SLMAP: variants seen among roughly 807,000 people sequenced by gnomAD.
SLMAP encodes sarcolemma associated protein.
SLMAP carries 44 observed loss-of-function variants against 128.8 expected under a neutral mutation model. The observed-to-expected ratio is 0.34, with a 90% CI of 0.27 to 0.44. SLMAP has a LOEUF of 0.44. Ranked by LOEUF, SLMAP falls within the 20% of genes least tolerant of loss-of-function variation. The pLI is 1.00. For synonymous variants in SLMAP, 327 were observed against 348.8 expected (o/e 0.94, Z 0.70); for missense variants, 787 against 985.3 (o/e 0.80, Z 2.69).
In SLMAP at chr3:57,756,972, C is replaced by T. The variant is rs947683320; in HGVS notation, c.-680C>T. On this transcript the variant is annotated 5_prime_UTR_variant, in exon 2 of 25. Transcript: ENST00000671191. ...CGGCCTCCACGCCTCGCGCGGAGAA[C>T]CTCAGCCACCGCCGTCTCGGATCGT... is the stretch of plus-strand genomic sequence containing the variant. 2.6e-5 allele frequency: 4 copies of T among 152,680 alleles called. No individual in the cohort carries two copies. Among genetic ancestry groups the T allele is most frequent in the Admixed American group, 1.3e-4 (2 of 15,304 alleles). 9.5% of individuals were successfully genotyped at this position (152,680 alleles called of 1,614,324 possible).
intron 2 of SLMAP, among the ~76,000 whole-genome samples, chr3:57,828,150 G>A (rs867669482): frequency 1.3e-5 from 2 of 152,074 alleles, no homozygotes; most frequent in South Asian, 4.1e-4. Flanking sequence ...GTAGAGATGG[G>A]GTTTCACCAT....
intron 2 of SLMAP, among the ~76,000 whole-genome samples, chr3:57,767,706 A>C (rs1035539166): frequency 6.6e-6 from 1 of 152,202 alleles, no homozygotes; most frequent in Non-Finnish European, 1.5e-5. Context: ...TTGTCCAAAA[A>C]GAGTTTGATG....
At chr3:57,855,094 A>G (rs954278711) in intron 6 of SLMAP, among the ~76,000 whole-genome samples, 2 of 152,156 alleles carry the variant, frequency 1.3e-5, no homozygotes, top group African/African-American at 4.8e-5. Context: ...TAACAGTATA[A>G]AAGATAGAAA....
At chr3:57,819,253 C>T (rs566115005) in intron 2 of SLMAP, among the ~76,000 whole-genome samples, 292 of 152,098 alleles carry the variant, frequency 1.9e-3, no homozygotes, top group African/African-American at 6.7e-3. Context: ...TGACTAAAAA[C>T]GAAGAAATAT....
At position 57,867,655 on chromosome 3, in the gene SLMAP, A is replaced by G. The variant is rs908471210; in HGVS notation, c.1237+2363A>G. Among the ~76,000 whole-genome samples the G allele has an allele frequency of 6.3e-4, 96 of 152,200 alleles. 2 individuals carry two copies. Among genetic ancestry groups the G allele is most frequent in the Admixed American group, 6.3e-3 (96 of 15,288 alleles). ...GGAATAAGATGCGTCACTTAATTCC[A>G]TTCCAAATCACTTATAATAATGAAC... On this transcript the variant is annotated intron_variant, in intron 13 of 24. Coordinates refer to ENST00000671191, the MANE Select transcript of SLMAP (RefSeq NM_001377540.1).
At chr3:57,818,479 G>T (rs921442517) in intron 2 of SLMAP, among the ~76,000 whole-genome samples, 1 of 152,198 alleles carries the variant, frequency 6.6e-6, no homozygotes, top group Admixed American at 6.5e-5. Context: ...TTTATCTGAA[G>T]TATGGGGATA....
intron 2 of SLMAP, among the ~76,000 whole-genome samples, chr3:57,790,632 G>A (rs1464020670): frequency 6.6e-6 from 1 of 152,080 alleles, no homozygotes; most frequent in Non-Finnish European, 1.5e-5. Context: ...CTAAATATGT[G>A]AGTTTGTTAA....
chr3:57,910,417 C>T (rs2096665688), intron 19 of SLMAP, among the ~76,000 whole-genome samples: 3 of 151,670 alleles, frequency 2.0e-5, no homozygotes, highest in Admixed American at 6.6e-5. Flanking sequence ...CTCCTGACCT[C>T]GTGATCCACC....
rs538716382 is a variant in SLMAP, at chr3:57,907,262, C to T, written c.1502-622C>T. Reference sequence around the variant, plus strand: ...CAGGATGGTCTCGATCTCCTGACCTCGTGATCCGCCTGCCTCAGCCTCCCA... The same window carrying T: ...CAGGATGGTCTCGATCTCCTGACCTTGTGATCCGCCTGCCTCAGCCTCCCA... On this transcript the variant is annotated intron_variant, in intron 17 of 24. Coordinates refer to ENST00000671191, the MANE Select transcript of SLMAP (RefSeq NM_001377540.1). Among the ~76,000 whole-genome samples the T allele has an allele frequency of 4.6e-5, 7 of 151,846 alleles. No homozygotes were observed. In the East Asian group the frequency reaches 1.4e-3, roughly 29 times the overall value.
At chr3:57,832,049 A>C (rs570008727) in intron 3 of SLMAP, among the ~76,000 whole-genome samples, 80 of 152,360 alleles carry the variant, frequency 5.3e-4, no homozygotes, top group African/African-American at 1.8e-3. Context: ...GGCGGGGATA[A>C]AATGCCTTCT....
rs112200309 is a variant in SLMAP, at chr3:57,870,879, A to G, written c.1238-757A>G. On this transcript the variant is annotated intron_variant, in intron 13 of 24. Coordinates refer to ENST00000671191, the MANE Select transcript of SLMAP (RefSeq NM_001377540.1). ...AAATACACGTTAAAGGACATTATCC[A>G]GATTCAGAAGTAACTCTTTAAATCA... Among the ~76,000 whole-genome samples, 489 of 152,374 alleles carry G rather than the reference A, an allele frequency of 3.2e-3. 3 individuals carry two copies. Among genetic ancestry groups the G allele is most frequent in the African/African-American group, 0.011 (467 of 41,590 alleles).
At chr3:57,760,156 T>C (rs958307498) in intron 2 of SLMAP, among the ~76,000 whole-genome samples, 4 of 152,300 alleles carry the variant, frequency 2.6e-5, no homozygotes, top group African/African-American at 9.6e-5. Flanking sequence ...GCCAGGGTGG[T>C]CTTGAACGCC....
chr3:57,856,438 TTTAC>T (rs1349730158), intron 6 of SLMAP, among the ~76,000 whole-genome samples: 1 of 152,134 alleles, frequency 6.6e-6, no homozygotes, highest in Non-Finnish European at 1.5e-5. Flanking sequence ...TAAACTTGCT[TTTAC>T]TTTTTAAACT....
At chr3:57,885,071 A>ATTT (rs543338432) in intron 14 of SLMAP, among the ~76,000 whole-genome samples, 1 of 142,082 alleles carries the variant, frequency 7.0e-6, no homozygotes, top group African/African-American at 2.6e-5. Context: ...AGAAGCAGAA[A>ATTT]TTTTTTTTTT....
At chr3:57,888,396 G>A (rs1268200042) in intron 14 of SLMAP, among the ~76,000 whole-genome samples, 1 of 151,978 alleles carries the variant, frequency 6.6e-6, no homozygotes, top group Non-Finnish European at 1.5e-5. Context: ...AGGCTGAGGC[G>A]GGTGGAGGTC....
At chr3:57,817,016 T>C (rs746409580) in intron 2 of SLMAP, among the ~76,000 whole-genome samples, 4 of 152,158 alleles carry the variant, frequency 2.6e-5, no homozygotes, top group Non-Finnish European at 5.9e-5. Context: ...GTGATTAGGG[T>C]CATTTTGAAA....
intron 2 of SLMAP, among the ~76,000 whole-genome samples, chr3:57,781,337 G>T (rs1426246570): frequency 1.3e-5 from 2 of 152,170 alleles, no homozygotes; most frequent in Middle Eastern, 3.2e-3. Context: ...GTTATAAAAT[G>T]ATTGGCTGGC....
At chr3:57,919,561 G>A (rs891468173) in intron 22 of SLMAP, among the ~76,000 whole-genome samples, 10 of 152,044 alleles carry the variant, frequency 6.6e-5, no homozygotes, top group South Asian at 2.1e-4. Flanking sequence ...TTGGGAGGCC[G>A]AGGTGAGCAG....
chr3:57,919,339 C>A (rs1334691019), intron 22 of SLMAP, among the ~76,000 whole-genome samples: 1 of 151,370 alleles, frequency 6.6e-6, no homozygotes, highest in Admixed American at 6.6e-5. Context: ...TGAGATCAGG[C>A]CATTGCACTC....
Sources: allele counts gnomAD v4.1 joint callset (sites outside exome capture counted in the v4.1 genomes callset), GRCh38; gene constraint gnomAD v4.1.1; transcripts MANE v1.5; gene names NCBI Gene and HGNC (gene_info 2026-07-23, HGNC 2026-07-21).